Variants in COL4A4 observed in about 807,000 individuals in gnomAD.
The protein encoded by COL4A4 is collagen type IV alpha 4 chain.
COL4A4 carries 105 observed loss-of-function variants against 192.9 expected under a neutral mutation model. That is an observed-to-expected ratio of 0.54 (90% CI 0.46 to 0.64). COL4A4 has a LOEUF of 0.64. Ranked by LOEUF, COL4A4 falls within the 30% of genes least tolerant of loss-of-function variation. COL4A4 has a pLI of 0.00. For missense variants in COL4A4, 1,967 were observed against 2,169.3 expected (o/e 0.91, Z 1.85); for synonymous variants, 762 against 769.9 (o/e 0.99, Z 0.17).
intron 1 of COL4A4, among the ~76,000 whole-genome samples, chr2:227,148,292 A>G (rs2063685354): frequency 6.6e-6 from 1 of 152,248 alleles, no homozygotes. Flanking sequence ...AAAATATGGT[A>G]TATCCATACA....
chr2:227,097,682 A>G lies in COL4A4; in HGVS notation c.1204+1012T>C, dbSNP rs532875645. On this transcript the variant is annotated intron_variant, in intron 19 of 47. Coordinates refer to ENST00000396625, the MANE Select transcript of COL4A4 (RefSeq NM_000092.5). Reference sequence around the variant, plus strand: ...CAACGGAATACTCTATATTATTTATATACTCCTGGGTCAGTTAGGCCAAGG... The same window carrying G: ...CAACGGAATACTCTATATTATTTATGTACTCCTGGGTCAGTTAGGCCAAGG... 3.9e-5 allele frequency among the ~76,000 whole-genome samples: 6 copies of G among 152,322 alleles called. No individual in the cohort carries two copies. The South Asian group carries it at 1.0e-3, about 26-fold the overall frequency.
At chr2:226,973,481 C>G in the COL4A4 span, among the ~76,000 whole-genome samples, 1 of 152,186 alleles carries the variant, frequency 6.6e-6, no homozygotes, top group African/African-American at 2.4e-5. Flanking sequence ...CCCAACTGCC[C>G]CCATTCTAAG....
intron 17 of COL4A4, among the ~76,000 whole-genome samples, chr2:227,100,439 TA>T (rs58900104): frequency 0.1 from 15,797 of 151,858 alleles, 1,254 homozygotes; most frequent in East Asian, 0.24. Flanking sequence ...AAAAATATTT[TA>T]AAAAAAATAA....
At chr2:227,140,724 T>C (rs1204208067) in intron 3 of COL4A4, among the ~76,000 whole-genome samples, 1 of 152,172 alleles carries the variant, frequency 6.6e-6, no homozygotes, top group African/African-American at 2.4e-5. Flanking sequence ...TGTCCCATCC[T>C]TGGGCTTAAA....
Position 227,088,730 on chromosome 2 carries a change from C to T in COL4A4, c.1546G>A (p.Asp516Asn), listed in dbSNP as rs1437323443. The change falls in exon 22 of 48, where the codon GAC becomes AAC. Residue 516 changes from aspartate to asparagine, a missense_variant. Asp to Asn is a conservative substitution (Grantham distance 23, BLOSUM62 1). Transcript: ENST00000396625. Reference sequence around the variant, plus strand: ...CCAAGCCAGCCAGGGAGCCCCAAGTCTCCCTTACTCCCCTGCCTCCCAGGA... The same window carrying T: ...CCAAGCCAGCCAGGGAGCCCCAAGTTTCCCTTACTCCCCTGCCTCCCAGGA... ...GLPGRQGSKG[D>N]LGLPGWLGTK... 6.2e-7 allele frequency: 1 copy of T among 1,614,128 alleles called. No individual in the cohort carries two copies. The highest frequency in any genetic ancestry group is 1.1e-5 in the South Asian group (1 of 91,074).
chr2:227,113,820 C>T (rs2061349662), intron 8 of COL4A4, among the ~76,000 whole-genome samples: 1 of 152,192 alleles, frequency 6.6e-6, no homozygotes, highest in Non-Finnish European at 1.5e-5. Flanking sequence ...GGCACAGAAC[C>T]TAGGGTCTCA....
rs557292897 is a variant in COL4A4, at chr2:227,143,171, C to A, written c.114+1345G>T. On this transcript the variant is annotated intron_variant, in intron 3 of 47. Transcript: ENST00000396625. Reference sequence around the variant, plus strand: ...ATAATTGAAAGTCTTCAAAATCATTCCAAAGTAATACATATGCCTATCCAT... The same window carrying A: ...ATAATTGAAAGTCTTCAAAATCATTACAAAGTAATACATATGCCTATCCAT... Among the ~76,000 whole-genome samples the A allele has an allele frequency of 2.0e-5, 3 of 152,258 alleles. No homozygotes were observed. The East Asian group carries it at 5.8e-4, about 29-fold the overall frequency.
At chr2:227,076,765 T>C (rs2059044961) in intron 25 of COL4A4, among the ~76,000 whole-genome samples, 1 of 152,132 alleles carries the variant, frequency 6.6e-6, no homozygotes. Context: ...ATATCCAGAA[T>C]ATACAAGGAA....
intron 1 of COL4A4, among the ~76,000 whole-genome samples, chr2:227,155,572 G>C (rs1242037208): frequency 6.6e-6 from 1 of 152,146 alleles, no homozygotes; most frequent in Non-Finnish European, 1.5e-5. Flanking sequence ...AGTAGGGCTG[G>C]AGACTCTATC....
At chr2:227,082,007 C>T (rs2059351446) in intron 23 of COL4A4, 108 bp downstream of exon 23, 3 of 1,004,506 alleles carry the variant, frequency 3.0e-6, no homozygotes, top group Non-Finnish European at 4.8e-6. Context: ...TCTCAACCAT[C>T]CTAAATTGTA....
At chr2:227,111,581 C>T (rs1002466429) in intron 9 of COL4A4, 97 bp downstream of exon 9, 38 of 1,338,688 alleles carry the variant, frequency 2.8e-5, no homozygotes, top group East Asian at 4.6e-5. Flanking sequence ...CTAGGTGAGC[C>T]GCACAAATTA....
the COL4A4 span, among the ~76,000 whole-genome samples, chr2:226,977,691 T>C: frequency 6.6e-6 from 1 of 152,204 alleles, no homozygotes; most frequent in African/African-American, 2.4e-5. Flanking sequence ...CCAAATTATA[T>C]AAAGAGCAGC....
chr2:227,022,298 T>C, intron 43 of COL4A4, 125 bp from the exon 44 acceptor site: 1 of 1,214,310 alleles, frequency 8.2e-7, no homozygotes, highest in African/African-American at 1.5e-5. Context: ...CAGTATAAAA[T>C]TCAGTATAAA....
intron 44 of COL4A4, among the ~76,000 whole-genome samples, chr2:227,018,278 C>T (rs1254070105): frequency 1.3e-5 from 2 of 152,146 alleles, no homozygotes; most frequent in Non-Finnish European, 2.9e-5. Context: ...CTTGCCCAGG[C>T]TGGAGTGGTG....
At chr2:227,145,426 AAC>A (rs1465666262) in intron 2 of COL4A4, among the ~76,000 whole-genome samples, 2 of 152,198 alleles carry the variant, frequency 1.3e-5, no homozygotes, top group Non-Finnish European at 2.9e-5. Context: ...CAGCCTGGGT[AAC>A]AGAGTGAGGT....
chr2:227,041,000 T>G (rs1970702784), intron 37 of COL4A4, among the ~76,000 whole-genome samples: 1 of 152,152 alleles, frequency 6.6e-6, no homozygotes, highest in Admixed American at 6.6e-5. Context: ...AACCAGACTT[T>G]TATAACCAGT....
chr2:226,988,237 T>A, the COL4A4 span: 3 of 1,118,438 alleles, frequency 2.7e-6, no homozygotes, highest in African/African-American at 4.8e-5. Flanking sequence ...AAGCAAGAGG[T>A]TGGGAGTAGG....
In COL4A4 at chr2:227,089,611, A is replaced by T. The variant is rs868441116; in HGVS notation, c.1459+257T>A. ...TCCATATATATATATATATATATAC[A>T]TACATATATATAAATATATAAGACA... On this transcript the variant is annotated intron_variant, in intron 21 of 47. Coordinates refer to ENST00000396625, the MANE Select transcript of COL4A4 (RefSeq NM_000092.5). Among the ~76,000 whole-genome samples, 8 of 119,652 alleles carry T rather than the reference A, an allele frequency of 6.7e-5. 1 individual carries two copies. Among genetic ancestry groups the T allele is most frequent in the Non-Finnish European group, 1.3e-4 (8 of 62,634 alleles). 78.5% of individuals were successfully genotyped at this position (119,652 alleles called of 152,430 possible).
intron 6 of COL4A4, among the ~76,000 whole-genome samples, chr2:227,119,026 T>G (rs1308152208): frequency 6.6e-6 from 1 of 152,026 alleles, no homozygotes; most frequent in Non-Finnish European, 1.5e-5. Context: ...TTAGAAATAC[T>G]ATAATGAATT....
Sources: gnomAD v4.1 joint callset for allele counts (sites outside exome capture counted in the v4.1 genomes callset) on GRCh38, gnomAD v4.1.1 for gene constraint, MANE v1.5 for transcripts, NCBI Gene and HGNC (gene_info 2026-07-23, HGNC 2026-07-21) for gene names.